DPP3: variants seen among roughly 807,000 people sequenced by gnomAD.
DPP3 encodes DPP III.
In DPP3, 64 loss-of-function variants were observed where a neutral mutation model predicts 89.8. The observed-to-expected ratio is 0.71, with a 90% CI of 0.58 to 0.88. DPP3 has a LOEUF of 0.88. Among genes scored for constraint, DPP3 ranks in the 40% least tolerant of loss-of-function variants. The pLI is 0.00. For synonymous variants in DPP3, 377 were observed against 404.3 expected (o/e 0.93, Z 0.81); for missense variants, 835 against 972.5 (o/e 0.86, Z 1.88).
Position 66,509,257 on chromosome 11 carries a change from A to G in DPP3, c.*6A>G. 11 of 1,603,924 alleles carry G rather than the reference A, an allele frequency of 6.9e-6. No individual in the cohort carries two copies. Among genetic ancestry groups the G allele is most frequent in the Non-Finnish European group, 9.4e-6 (11 of 1,175,006 alleles). ...CCCCATCTGGCCAAGCTTGAGGAAG[A>G]TGTGTGGCCTTGCCCCCAATTCCAT... is the stretch of plus-strand genomic sequence containing the variant. On this transcript the variant is annotated 3_prime_UTR_variant, in exon 18 of 18. Transcript: ENST00000531863.
chr11:66,480,570 G>C, intron 1 of DPP3, 105 bp downstream of exon 1: 3 of 1,298,280 alleles, frequency 2.3e-6, no homozygotes, highest in Non-Finnish European at 3.0e-6. Context: ...CCACTCTCCA[G>C]TACCCCCTCC....
chr11:66,504,823 C>T, intron 17 of DPP3, 49 bp downstream of exon 17: 1 of 1,538,084 alleles, frequency 6.5e-7, no homozygotes, highest in Non-Finnish European at 8.8e-7. Context: ...GAGCACCACA[C>T]AGGGCCCTCT....
rs983277535 is a variant in DPP3 at position 66,485,365 on chromosome 11, G to T, written c.360+103G>T. 5 of 1,152,980 alleles carry T rather than the reference G, an allele frequency of 4.3e-6. No homozygotes were observed. In the Admixed American group the frequency reaches 6.0e-5, roughly 14 times the overall value. The allele number at this position is 1,152,980 out of a possible 1,614,324, so 71.4% of individuals were successfully genotyped here. A position where few individuals can be genotyped will look rare whatever the true frequency, so the allele number is the denominator to read the frequency against. ...CCAACTGGAGTGTCAGAAGCCCTGAGCAGAGCATGGACCCTGTCGCTTCCA... is the reference window on the plus strand; with the variant it reads ...CCAACTGGAGTGTCAGAAGCCCTGATCAGAGCATGGACCCTGTCGCTTCCA... On this transcript the variant is annotated intron_variant, in intron 3 of 17. Transcript: ENST00000531863.
chr11:66,499,294 C>T (rs943676629), intron 16 of DPP3, among the ~76,000 whole-genome samples: 10 of 149,402 alleles, frequency 6.7e-5, no homozygotes, highest in East Asian at 4.1e-4. Context: ...AACCTGAAGG[C>T]GGAGGTTGCA....
intron 12 of DPP3, among the ~76,000 whole-genome samples, chr11:66,494,163 G>A (rs1450485088): frequency 6.6e-6 from 1 of 152,150 alleles, no homozygotes; most frequent in Non-Finnish European, 1.5e-5. Context: ...CTTGCCAGCC[G>A]GCCAGAGTGG....
Position 66,486,566 on chromosome 11 carries a change from G to A in DPP3, c.387G>A (p.Gly129=). ...AAAAGCTGGAACGGGTGATCCTAGG[G>A]AGTGAGGCTGCTCAGCAGCACCCAG... is the stretch of plus-strand genomic sequence containing the variant. ...PKEKLERVIL[G]SEAAQQHPEE... Residue 129 remains glycine (G), a synonymous_variant, in exon 4 of 18, where the codon GGG becomes GGA. Coordinates refer to ENST00000531863, the MANE Select transcript of DPP3 (RefSeq NM_130443.4). 6.4e-7 allele frequency: 1 copy of A among 1,562,170 alleles called. No homozygotes were observed. Among genetic ancestry groups the A allele is most frequent in the Non-Finnish European group, 8.7e-7 (1 of 1,154,842 alleles).
At chr11:66,505,418 C>A (rs1855775636) in intron 17 of DPP3, among the ~76,000 whole-genome samples, 1 of 152,184 alleles carries the variant, frequency 6.6e-6, no homozygotes, top group Non-Finnish European at 1.5e-5. Context: ...TTCAGAACCA[C>A]CCTGTGACTT....
intron 16 of DPP3, among the ~76,000 whole-genome samples, chr11:66,503,033 A>G (rs1361605968): frequency 1.3e-5 from 2 of 152,170 alleles, no homozygotes; most frequent in African/African-American, 2.4e-5. Flanking sequence ...CAATGGTGCA[A>G]TCTTGGCTCA....
At position 66,502,428 on chromosome 11, in the gene DPP3, C is replaced by T. The variant is rs1426551723; in HGVS notation, c.1879-2184C>T. On this transcript the variant is annotated intron_variant, in intron 16 of 17. Coordinates refer to ENST00000531863, the MANE Select transcript of DPP3 (RefSeq NM_130443.4). ...GTTCAAGAGATTCTCCTGCCTCAGC[C>T]TCCCGAGTAGCTGGGATTATAGGCG... 9.9e-5 allele frequency among the ~76,000 whole-genome samples: 15 copies of T among 151,968 alleles called. No individual in the cohort carries two copies. In the South Asian group the frequency reaches 2.9e-3, roughly 29 times the overall value.
chr11:66,485,982 C>T (rs1855216095), intron 3 of DPP3, among the ~76,000 whole-genome samples: 1 of 151,690 alleles, frequency 6.6e-6, no homozygotes, highest in Non-Finnish European at 1.5e-5. Context: ...CACTCTGTCA[C>T]TCAGGCTGGA....
At chr11:66,505,774 G>A (rs190221170) in intron 17 of DPP3, among the ~76,000 whole-genome samples, 31 of 145,960 alleles carry the variant, frequency 2.1e-4, no homozygotes, top group Admixed American at 1.4e-4. Flanking sequence ...CTTGAGCCCA[G>A]GAGTTCAATG....
chr11:66,500,510 T>G (rs1301851958), intron 16 of DPP3, among the ~76,000 whole-genome samples: 2 of 152,166 alleles, frequency 1.3e-5, no homozygotes, highest in African/African-American at 4.8e-5. Flanking sequence ...AACCTCAACC[T>G]AAACTGCATA....
intron 16 of DPP3, among the ~76,000 whole-genome samples, chr11:66,500,907 G>A (rs1463903294): frequency 2.0e-5 from 3 of 151,998 alleles, no homozygotes. Flanking sequence ...AGTACAAAAA[G>A]GCTGGGCATG....
In DPP3 at chr11:66,493,974, C is replaced by T. The variant is rs1185953961; in HGVS notation, c.1389+341C>T. The stretch of plus-strand genomic sequence containing the variant: ...GTTTGGCTCAGGCTAAGGAAGCACA[C>T]CCTAAGGGCGTGCTTAGGGCGTGGC... On this transcript the variant is annotated intron_variant, in intron 12 of 17. Transcript: ENST00000531863. Among the ~76,000 whole-genome samples the T allele has an allele frequency of 3.3e-5, 5 of 152,284 alleles. No homozygotes were observed. The East Asian group carries it at 7.7e-4, about 24-fold the overall frequency.
In DPP3 at chr11:66,482,369, C is replaced by G; in HGVS notation, c.169C>G (p.Pro57Ala). The change falls in exon 2 of 18, where the codon CCC becomes GCC. Residue 57 changes from proline (P) to alanine (A), a missense_variant. Pro to Ala is a conservative substitution (Grantham distance 27). Transcript: ENST00000531863. ...GCTGCTTCAGACCTCCCCTGAGGCC[C>G]CCTACATCTATGCTCTGCTCAGCCG... ...AVLLQTSPEA[P>A]YIYALLSRLF... is the part of the protein sequence containing the mutation. The G allele has an allele frequency of 6.2e-7, 1 of 1,612,744 alleles. No homozygotes were observed. The highest frequency in any genetic ancestry group is 8.5e-7 in the Non-Finnish European group (1 of 1,180,038).
Position 66,509,408 on chromosome 11 carries a change from C to T in DPP3, c.*157C>T. The T allele has an allele frequency of 1.3e-6, 2 of 1,536,504 alleles. No homozygotes were observed. The highest frequency in any genetic ancestry group is 1.7e-6 in the Non-Finnish European group (2 of 1,146,748). On this transcript the variant is annotated 3_prime_UTR_variant, in exon 18 of 18. Coordinates refer to ENST00000531863, the MANE Select transcript of DPP3 (RefSeq NM_130443.4). ...TGGTGACACAACCCCTTCCATTTGT[C>T]AGCACTTTCCAGCCTGCCAATTGCT...
In DPP3 at chr11:66,493,595, G is replaced by C. The variant is rs781237917; in HGVS notation, c.1351G>C (p.Glu451Gln). 1.2e-6 allele frequency: 2 copies of C among 1,613,002 alleles called. No individual in the cohort carries two copies. Among genetic ancestry groups the C allele is most frequent in the South Asian group, 2.2e-5 (2 of 91,048 alleles). The change falls in exon 12 of 18, where the codon GAG becomes CAG. Residue 451 changes from glutamate (E) to glutamine (Q), a missense_variant. Transcript: ENST00000531863. ...PSFDVQVGLH[E>Q]LLGHGSGKLF... ...CTTCGATGTGCAGGTGGGCCTGCACGAGCTGCTGGGCCATGGCAGTGGCAA... is the reference window on the plus strand; with the variant it reads ...CTTCGATGTGCAGGTGGGCCTGCACCAGCTGCTGGGCCATGGCAGTGGCAA...
Position 66,491,511 on chromosome 11 carries a change from C to T in DPP3, c.816C>T (p.Ser272=). ...LEKAKAYAAN[S]HQGQMLAQYI... ...CACCTCAGGCCTATGCAGCCAACAGCCACCAGGGGCAGATGCTGGCCCAGT... is the reference window on the plus strand; with the variant it reads ...CACCTCAGGCCTATGCAGCCAACAGTCACCAGGGGCAGATGCTGGCCCAGT... The change falls in exon 8 of 18, where the codon AGC becomes AGT. Residue 272 remains serine (S), a synonymous_variant. Transcript: ENST00000531863. The T allele has an allele frequency of 1.9e-6, 3 of 1,609,648 alleles. No homozygotes were observed. The highest frequency in any genetic ancestry group is 2.5e-6 in the Non-Finnish European group (3 of 1,177,380).
chr11:66,495,220 A>G lies in DPP3; in HGVS notation c.1404A>G (p.Ala468=), dbSNP rs1565272063. Residue 468 remains alanine, a synonymous_variant, in exon 13 of 18, where the codon GCA becomes GCG. Transcript: ENST00000531863. ...GKLFVQDEKG[A]FNFDQETVIN... ...GTGTTCTGCAGGACGAAAAAGGAGC[A>G]TTCAACTTTGACCAGGAAACAGTGA... 3.1e-6 allele frequency: 5 copies of G among 1,612,432 alleles called. No individual in the cohort carries two copies. The highest frequency in any genetic ancestry group is 3.4e-6 in the Non-Finnish European group (4 of 1,180,012).
Sources: gnomAD v4.1 joint callset for allele counts (sites outside exome capture counted in the v4.1 genomes callset) on GRCh38, gnomAD v4.1.1 for gene constraint, MANE v1.5 for transcripts, NCBI Gene and HGNC (gene_info 2026-07-23, HGNC 2026-07-21) for gene names.